The following ACTN1 variants were observed in gnomAD, a reference collection of about 807,000 sequenced individuals.
ACTN1 encodes actinin alpha 1.
A neutral mutation model predicts 119.6 loss-of-function variants in ACTN1; 30 were observed. The observed-to-expected ratio is 0.25, with a 90% CI of 0.19 to 0.34. ACTN1 has a LOEUF of 0.34. Ranked by LOEUF, ACTN1 falls within the 10% of genes least tolerant of loss-of-function variation. The pLI, the probability that ACTN1 is intolerant of heterozygous loss-of-function variation, is 1.00. For missense variants in ACTN1, 764 were observed against 1,223.4 expected (o/e 0.62, Z 5.60); for synonymous variants, 429 against 472.6 (o/e 0.91, Z 1.20).
At chr14:68,946,340 A>G (rs1471522254) in intron 1 of ACTN1, among the ~76,000 whole-genome samples, 1 of 152,156 alleles carries the variant, frequency 6.6e-6, no homozygotes, top group Non-Finnish European at 1.5e-5. Flanking sequence ...GCCAACTTTG[A>G]GAAGGAGGAA....
At position 68,878,266 on chromosome 14, in the gene ACTN1, C is replaced by T. The variant is rs549397019; in HGVS notation, c.2427+192G>A. The T allele has an allele frequency of 3.4e-5, 24 of 715,578 alleles. No homozygotes were observed. The highest frequency in any genetic ancestry group is 9.6e-5 in the South Asian group (4 of 41,784). 44.3% of individuals were successfully genotyped at this position (715,578 alleles called of 1,614,324 possible). A position where few individuals can be genotyped will look rare whatever the true frequency, so the allele number is the denominator to read the frequency against. On this transcript the variant is annotated intron_variant, in intron 20 of 21. Transcript: ENST00000394419. This position sits in a 1 kb window ranked among gnomAD's most constrained non-coding sequence, Gnocchi z 4.4. ...ATTGAGGCGAGGAGGTCAGGCCTCC[C>T]GGATACACACACGCCCGTGGCCGGG...
At chr14:68,908,421 T>C (rs2033800118) in intron 6 of ACTN1, among the ~76,000 whole-genome samples, 1 of 152,092 alleles carries the variant, frequency 6.6e-6, no homozygotes, top group African/African-American at 2.4e-5. Flanking sequence ...AACACTGTGT[T>C]CTCCAGCATC....
At chr14:68,928,967 C>G (rs1253400061) in intron 1 of ACTN1, among the ~76,000 whole-genome samples, 2 of 151,876 alleles carry the variant, frequency 1.3e-5, no homozygotes, top group Admixed American at 1.3e-4. Context: ...AGGGGTGGAA[C>G]TGTGGTGAGT....
intron 11 of ACTN1, chr14:68,887,795 T>C: frequency 1.0e-6 from 1 of 958,614 alleles, no homozygotes; most frequent in Non-Finnish European, 1.7e-6. Flanking sequence ...TTAATCAGAC[T>C]CGGCTTCTTT....
rs2031950275 is a variant in ACTN1 at position 68,885,760 on chromosome 14, A to G, written c.1235-185T>C. 6.0e-6 allele frequency: 4 copies of G among 661,940 alleles called. No individual in the cohort carries two copies. Among genetic ancestry groups the G allele is most frequent in the Non-Finnish European group, 1.0e-5 (4 of 394,936 alleles). 41.0% of individuals were successfully genotyped at this position (661,940 alleles called of 1,614,324 possible). ...ACTAGAACATCCACCAACCGGCGCAACGGGGAAAAGCACTCTCCTCAGAGC... is the reference window on the plus strand; with the variant it reads ...ACTAGAACATCCACCAACCGGCGCAGCGGGGAAAAGCACTCTCCTCAGAGC... On this transcript the variant is annotated intron_variant, in intron 11 of 21. Coordinates refer to ENST00000394419, the MANE Select transcript of ACTN1 (RefSeq NM_001130004.2). This position sits in a 1 kb window ranked among gnomAD's most constrained non-coding sequence, Gnocchi z 5.6.
chr14:68,874,904 G>C lies in ACTN1; in HGVS notation c.2700C>G (p.Asp900Glu), dbSNP rs141668847. 2.5e-6 allele frequency: 4 copies of C among 1,609,960 alleles called. No individual in the cohort carries two copies. The African/African-American group carries it at 5.3e-5, about 22-fold the overall frequency. The part of the protein sequence containing the change: ...TGPDSVPGAL[D>E]YMSFSTALYG... Reference sequence around the variant, plus strand: ...ACAGCGCCGTGGAGAAGGACATGTAGTCCAGAGCACCTGGCACGGAGTCGG... The same window carrying C: ...ACAGCGCCGTGGAGAAGGACATGTACTCCAGAGCACCTGGCACGGAGTCGG... The change falls in exon 22 of 22, where the codon GAC becomes GAG. Residue 900 changes from aspartate (D) to glutamate (E), a missense_variant. By Grantham distance (45) the Asp-to-Glu change is conservative. This residue lies in a region of ACTN1 where 102 missense variants were observed against 78.2 expected (regional missense o/e 1.30). Coordinates refer to ENST00000394419, the MANE Select transcript of ACTN1 (RefSeq NM_001130004.2).
intron 1 of ACTN1, among the ~76,000 whole-genome samples, chr14:68,938,245 G>A (rs374351108): frequency 1.3e-5 from 2 of 152,176 alleles, no homozygotes; most frequent in East Asian, 3.9e-4. Flanking sequence ...AGTGGCTGCT[G>A]AAAAAGCTGA....
At chr14:68,898,502 A>G (rs891719722) in intron 8 of ACTN1, among the ~76,000 whole-genome samples, 12 of 152,144 alleles carry the variant, frequency 7.9e-5, no homozygotes, top group Admixed American at 7.9e-4. Context: ...AAGACAGTGG[A>G]GAGGATGGAG....
At chr14:68,920,481 T>C (rs2034578268) in intron 3 of ACTN1, among the ~76,000 whole-genome samples, 1 of 152,160 alleles carries the variant, frequency 6.6e-6, no homozygotes, top group Non-Finnish European at 1.5e-5. Context: ...ATTAAGGAAA[T>C]GCTAATAGCT....
intron 6 of ACTN1, among the ~76,000 whole-genome samples, chr14:68,907,322 G>T (rs1482181256): frequency 6.7e-6 from 1 of 149,226 alleles, no homozygotes; most frequent in Non-Finnish European, 1.5e-5. Flanking sequence ...CCAGCACTTT[G>T]GGAGGCCAAG....
In ACTN1 at chr14:68,880,750, A is replaced by C; in HGVS notation, c.2133+60T>G. 1 of 1,562,608 alleles carries C rather than the reference A, an allele frequency of 6.4e-7. No homozygotes were observed. Among genetic ancestry groups the C allele is most frequent in the South Asian group, 1.1e-5 (1 of 87,554 alleles). On this transcript the variant is annotated intron_variant, in intron 17 of 21. Coordinates refer to ENST00000394419, the MANE Select transcript of ACTN1 (RefSeq NM_001130004.2). The surrounding 1 kb of genome is among the most constrained non-coding windows in gnomAD (Gnocchi z 4.6). ...TGTTCCCTTGGAGACTTCCCCACCC[A>C]GGAGAAAGAGCAGAAGGGGCCACGG...
intron 1 of ACTN1, among the ~76,000 whole-genome samples, chr14:68,969,630 C>G (rs551141074): frequency 6.6e-6 from 1 of 152,138 alleles, no homozygotes; most frequent in Non-Finnish European, 1.5e-5. Context: ...GACAGGCACC[C>G]CTGCTCACAG....
At chr14:68,943,616 G>T (rs1427533669) in intron 1 of ACTN1, among the ~76,000 whole-genome samples, 2 of 152,172 alleles carry the variant, frequency 1.3e-5, no homozygotes, top group Non-Finnish European at 2.9e-5. Context: ...ACTTCAGGGA[G>T]CCCCAAGGGG....
chr14:68,949,883 T>C (rs184742956), intron 1 of ACTN1, among the ~76,000 whole-genome samples: 1 of 152,266 alleles, frequency 6.6e-6, no homozygotes, highest in East Asian at 1.9e-4. Context: ...TGATTCCACT[T>C]ACATGGGGCC....
At chr14:68,941,289 C>T (rs1482217740) in intron 1 of ACTN1, among the ~76,000 whole-genome samples, 1 of 152,190 alleles carries the variant, frequency 6.6e-6, no homozygotes, top group Non-Finnish European at 1.5e-5. Context: ...GAACATTTAC[C>T]AGAATCACCT....
At chr14:68,974,756 C>T (rs1050417785) in intron 1 of ACTN1, among the ~76,000 whole-genome samples, 2 of 152,222 alleles carry the variant, frequency 1.3e-5, no homozygotes, top group African/African-American at 4.8e-5. Context: ...GCAAGCAGAG[C>T]ATCTGATACC....
intron 1 of ACTN1, among the ~76,000 whole-genome samples, chr14:68,935,682 G>T (rs368731920): frequency 1.3e-5 from 2 of 152,080 alleles, no homozygotes; most frequent in Non-Finnish European, 2.9e-5. Flanking sequence ...CACCACACCC[G>T]GCTAGAGCGC....
At chr14:68,953,316 A>G (rs2036233017) in intron 1 of ACTN1, among the ~76,000 whole-genome samples, 1 of 152,042 alleles carries the variant, frequency 6.6e-6, no homozygotes, top group South Asian at 2.1e-4. Flanking sequence ...GCCCCAGCTA[A>G]AGGCCCAAAC....
chr14:68,915,271 TCTCCTC>T (rs932870608), intron 3 of ACTN1, among the ~76,000 whole-genome samples: 2 of 144,764 alleles, frequency 1.4e-5, no homozygotes, highest in Non-Finnish European at 3.0e-5. Context: ...TTCCCCTCCT[TCTCCTC>T]CTCCTCCTCC....
Sources: gnomAD v4.1 joint callset for allele counts (sites outside exome capture counted in the v4.1 genomes callset) on GRCh38, gnomAD v4.1.1 for gene constraint, gnomAD v4.1.1 regional missense constraint, Gnocchi (gnomAD v3.1) non-coding constraint, MANE v1.5 for transcripts, NCBI Gene and HGNC (gene_info 2026-07-23, HGNC 2026-07-21) for gene names.